Variants in TSHR observed in about 807,000 individuals in gnomAD.
TSHR encodes thyroid stimulating hormone receptor, also known as thyrotropin receptor.
In TSHR, 51 loss-of-function variants were observed where a neutral mutation model predicts 64.1. The observed-to-expected ratio is 0.80, with a 90% CI of 0.64 to 1.01. TSHR has a LOEUF of 1.01. Ranked by LOEUF, TSHR falls within the 50% of genes least tolerant of loss-of-function variation. The probability of loss-of-function intolerance (pLI) is 0.00; values close to 1 mark genes in which losing one functional copy is unlikely to be tolerated. For synonymous variants in TSHR, 361 were observed against 361.9 expected, an observed-to-expected ratio of 1.00 and a Z score of 0.03; for missense variants, 877 against 942.8, an observed-to-expected ratio of 0.93 and a Z score of 0.91.
chr14:81,032,902 G>A lies in TSHR; in HGVS notation c.171-29246G>A, dbSNP rs549825816. 31 of 354,418 alleles carry A rather than the reference G, an allele frequency of 8.7e-5. No individual in the cohort carries two copies. In the Middle Eastern group the frequency reaches 1.6e-3, roughly 18 times the overall value. The allele number at this position is 354,418 out of a possible 1,614,324, so 22.0% of individuals were successfully genotyped here. ...TCACCTACACTAGAAAGGCCTGGACGAAAGAGGAATTCCATGAGCTGAACA... is the reference window on the plus strand; with the variant it reads ...TCACCTACACTAGAAAGGCCTGGACAAAAGAGGAATTCCATGAGCTGAACA... On this transcript the variant is annotated intron_variant, in intron 1 of 9. Coordinates refer to ENST00000298171, the MANE Select transcript of TSHR (RefSeq NM_000369.5).
At chr14:81,000,574 G>A (rs891942495) in intron 1 of TSHR, among the ~76,000 whole-genome samples, 5 of 151,444 alleles carry the variant, frequency 3.3e-5, no homozygotes, top group African/African-American at 1.2e-4. Flanking sequence ...TACCACTGGG[G>A]TATACTCCTC....
intron 8 of TSHR, among the ~76,000 whole-genome samples, chr14:81,135,364 T>C (rs1020847305): frequency 2.0e-5 from 3 of 152,242 alleles, no homozygotes; most frequent in Non-Finnish European, 2.9e-5. Flanking sequence ...ATCTGTGTTT[T>C]AGAAAGGACA....
chr14:81,129,985 T>C (rs558163137), intron 8 of TSHR, among the ~76,000 whole-genome samples: 30 of 152,176 alleles, frequency 2.0e-4, no homozygotes, highest in Non-Finnish European at 3.5e-4. Context: ...GAATATGGAT[T>C]AAAAGACACC....
At chr14:81,003,851 T>C (rs1889463491) in intron 1 of TSHR, among the ~76,000 whole-genome samples, 1 of 152,168 alleles carries the variant, frequency 6.6e-6, no homozygotes, top group Non-Finnish European at 1.5e-5. Flanking sequence ...GCCAGAAATG[T>C]TGAATCTTCA....
chr14:81,082,439 C>T (rs1887972542), intron 3 of TSHR, among the ~76,000 whole-genome samples: 1 of 152,138 alleles, frequency 6.6e-6, no homozygotes, highest in South Asian at 2.1e-4. Context: ...TCAAGCTAGC[C>T]CACCCCCTTT....
chr14:81,068,358 C>T, intron 3 of TSHR, 30 bp downstream of exon 3: 11 of 1,604,740 alleles, frequency 6.9e-6, no homozygotes, highest in Non-Finnish European at 9.4e-6. Context: ...CAGCATAGAC[C>T]TAAGCCACAA....
chr14:81,013,621 A>G (rs1387796503), intron 1 of TSHR: 1 of 152,174 alleles, frequency 6.6e-6, no homozygotes, highest in Non-Finnish European at 1.5e-5. Context: ...CTCTGTTATG[A>G]GCCATGGGCT....
At chr14:80,982,310 A>C in intron 1 of TSHR, 1 of 1,052,622 alleles carries the variant, frequency 9.5e-7, no homozygotes, top group Non-Finnish European at 1.4e-6. Flanking sequence ...GCTGGTATTG[A>C]TGCCTGGGTC....
intron 1 of TSHR, among the ~76,000 whole-genome samples, chr14:80,964,962 A>G (rs1887222332): frequency 6.6e-6 from 1 of 152,224 alleles, no homozygotes; most frequent in Non-Finnish European, 1.5e-5. Flanking sequence ...GTGAGAATGA[A>G]CAAAGGAATG....
chr14:81,053,838 G>A (rs1369770352), intron 1 of TSHR: 1 of 152,076 alleles, frequency 6.6e-6, no homozygotes, highest in African/African-American at 2.4e-5. Context: ...ACAAAAAAAT[G>A]CATATTCATA....
At position 80,955,707 on chromosome 14, in the gene TSHR, G is replaced by A; in HGVS notation, c.27G>A (p.Leu9=). 6.2e-7 allele frequency: 1 copy of A among 1,614,124 alleles called. No homozygotes were observed. The highest frequency in any genetic ancestry group is 8.5e-7 in the Non-Finnish European group (1 of 1,180,010). ...TGAGGCCGGCGGACTTGCTGCAGCT[G>A]GTGCTGCTGCTCGACCTGCCCAGGG... MRPADLLQ[L]VLLLDLPRDL... is the part of the protein sequence containing the mutation. The change falls in exon 1 of 10, where the codon CTG becomes CTA. Residue 9 remains leucine, a synonymous_variant. Coordinates refer to ENST00000298171, the MANE Select transcript of TSHR (RefSeq NM_000369.5).
intron 3 of TSHR, among the ~76,000 whole-genome samples, chr14:81,085,860 G>C (rs2284733): frequency 0.21 from 31,316 of 152,052 alleles, 4,297 homozygotes; most frequent in African/African-American, 0.4. Context: ...TGGAAAGAGA[G>C]AACCACCTCA....
At chr14:81,105,656 G>A (rs1203695126) in intron 7 of TSHR, among the ~76,000 whole-genome samples, 1 of 152,174 alleles carries the variant, frequency 6.6e-6, no homozygotes, top group African/African-American at 2.4e-5. Context: ...ATCCTCAGGA[G>A]TATATTAAAT....
At position 80,985,549 on chromosome 14, in the gene TSHR, C is replaced by CCTT. The variant is rs770774176; in HGVS notation, c.170+29700_170+29701insTTC. 4.4e-4 allele frequency among the ~76,000 whole-genome samples: 67 copies of CCTT among 152,156 alleles called. 1 individual carries two copies. The highest frequency in any genetic ancestry group is 8.4e-4 in the Non-Finnish European group (57 of 68,042). ...AGTGATTCTTAGTCGTTGGTATGGA[C>CCTT]CAGAAAGCATGCCCAGGACGTTTAG... On this transcript the variant is annotated intron_variant, in intron 1 of 9. Transcript: ENST00000298171.
chr14:81,024,049 G>T (rs1158266600), intron 1 of TSHR, among the ~76,000 whole-genome samples: 2 of 152,144 alleles, frequency 1.3e-5, no homozygotes, highest in African/African-American at 4.8e-5. Context: ...CTCATCTGCT[G>T]CCTATTGGTT....
intron 1 of TSHR, chr14:81,050,695 T>C (rs1885387302): frequency 6.6e-6 from 1 of 152,206 alleles, no homozygotes; most frequent in African/African-American, 2.4e-5. Context: ...AAAAACTATT[T>C]TTAATTGACA....
intron 1 of TSHR, chr14:81,003,507 A>C: frequency 4.5e-6 from 1 of 222,676 alleles, no homozygotes; most frequent in South Asian, 7.6e-5. Flanking sequence ...TCTTTCGGAT[A>C]CTTGGTGGCT....
chr14:81,109,184 C>G (rs1303442464), intron 8 of TSHR, among the ~76,000 whole-genome samples: 1 of 152,014 alleles, frequency 6.6e-6, no homozygotes, highest in Non-Finnish European at 1.5e-5. Flanking sequence ...CCGAGGCGGG[C>G]AGATCACGAG....
At chr14:81,009,022 C>T (rs1227958441) in intron 1 of TSHR, among the ~76,000 whole-genome samples, 1 of 152,148 alleles carries the variant, frequency 6.6e-6, no homozygotes, top group East Asian at 1.9e-4. Context: ...TGTCAAAACA[C>T]CCACATTTTT....
Sources: gnomAD v4.1 joint callset for allele counts (sites outside exome capture counted in the v4.1 genomes callset) on GRCh38, gnomAD v4.1.1 for gene constraint, MANE v1.5 for transcripts, NCBI Gene and HGNC (gene_info 2026-07-23, HGNC 2026-07-21) for gene names.